The following RIMS1 variants were observed in gnomAD, a reference collection of about 807,000 sequenced individuals.
RIMS1 encodes regulating synaptic membrane exocytosis 1, also known as regulating synaptic membrane exocytosis protein 1.
A neutral mutation model predicts 214.1 loss-of-function variants in RIMS1; 83 were observed. That is an observed-to-expected ratio of 0.39 (90% CI 0.32 to 0.47). The LOEUF is 0.47. RIMS1 is among the 20% of genes least tolerant of loss of function. RIMS1 has a pLI of 0.99. For missense variants in RIMS1, 2,050 were observed against 2,161.8 expected (o/e 0.95, Z 1.03); for synonymous variants, 793 against 786.8 (o/e 1.01, Z -0.13).
At chr6:72,289,193 G>T (rs141083546) in intron 24 of RIMS1, among the ~76,000 whole-genome samples, 1 of 152,284 alleles carries the variant, frequency 6.6e-6, no homozygotes, top group East Asian at 1.9e-4. Context: ...AAATTTCTCA[G>T]TACTAAGGTG....
intron 29 of RIMS1, among the ~76,000 whole-genome samples, chr6:72,343,292 T>C (rs550697324): frequency 2.8e-4 from 43 of 151,852 alleles, no homozygotes; most frequent in Admixed American, 2.4e-3. Flanking sequence ...TGGTTAAGTC[T>C]AGATTCTTAA....
intron 3 of RIMS1, 70 bp from the exon 4 acceptor site, chr6:72,099,905 A>G (rs1013715070): frequency 1.4e-5 from 18 of 1,246,806 alleles, no homozygotes; most frequent in Non-Finnish European, 1.6e-5. Context: ...TTATTAATAC[A>G]TGGCTCAATT....
chr6:71,899,240 T>C (rs1772823464), intron 1 of RIMS1, among the ~76,000 whole-genome samples: 1 of 152,146 alleles, frequency 6.6e-6, no homozygotes, highest in Non-Finnish European at 1.5e-5. Context: ...AATTTAGTTA[T>C]GATTCCAAAT....
chr6:71,964,850 C>G (rs543496516), intron 1 of RIMS1, among the ~76,000 whole-genome samples: 2 of 152,154 alleles, frequency 1.3e-5, no homozygotes, highest in Admixed American at 1.3e-4. Context: ...TGGTTAATGT[C>G]ATGTTGAAGA....
chr6:72,270,407 C>A (rs1032442037), intron 22 of RIMS1, among the ~76,000 whole-genome samples: 1 of 151,978 alleles, frequency 6.6e-6, no homozygotes, highest in East Asian at 1.9e-4. Context: ...GGGATAATAT[C>A]CTATTTCTCT....
chr6:72,384,570 C>G (rs1462715996), intron 29 of RIMS1, among the ~76,000 whole-genome samples: 1 of 152,112 alleles, frequency 6.6e-6, no homozygotes, highest in Non-Finnish European at 1.5e-5. Context: ...CTTAAAAGGT[C>G]CTCCTATTCA....
At chr6:72,291,801 T>C (rs1360200979) in intron 25 of RIMS1, 133 bp from the exon 26 acceptor site, 2 of 708,292 alleles carry the variant, frequency 2.8e-6, no homozygotes, top group Non-Finnish European at 5.2e-6. Flanking sequence ...TCATAAAAAG[T>C]GTTTGATTCT....
intron 11 of RIMS1, among the ~76,000 whole-genome samples, chr6:72,246,799 G>T (rs1282198967): frequency 6.6e-6 from 1 of 152,086 alleles, no homozygotes; most frequent in African/African-American, 2.4e-5. Flanking sequence ...AAAATACACT[G>T]ATTGCCATAA....
At chr6:72,297,659 GACC>G (rs1192867939) in intron 26 of RIMS1, among the ~76,000 whole-genome samples, 1 of 151,890 alleles carries the variant, frequency 6.6e-6, no homozygotes, top group Non-Finnish European at 1.5e-5. Flanking sequence ...TCACAGAATA[GACC>G]ACATTTTTAG....
chr6:72,251,300 T>C lies in RIMS1; in HGVS notation c.2630T>C (p.Leu877Pro). The change falls in exon 15 of 34, where the codon CTG becomes CCG. Residue 877 changes from leucine to proline, a missense_variant. Physicochemically the swap from Leu to Pro is moderately conservative, Grantham distance 98. Around this residue, in one of 6 missense-constraint regions of RIMS1, gnomAD observed 889 missense variants for 885.5 expected, o/e 1.00. Coordinates refer to ENST00000521978, the MANE Select transcript of RIMS1 (RefSeq NM_014989.7). ...ACACATGATGAGTCTTCACTACCTCTGCCTCAGCCATCACCTTTCATGCCA... is the reference window on the plus strand; with the variant it reads ...ACACATGATGAGTCTTCACTACCTCCGCCTCAGCCATCACCTTTCATGCCA... The part of the protein sequence containing the change: ...LQTHDESSLP[L>P]PQPSPFMPRR... 1 of 1,600,508 alleles carries C rather than the reference T, an allele frequency of 6.2e-7. No individual in the cohort carries two copies. Among genetic ancestry groups the C allele is most frequent in the South Asian group, 1.1e-5 (1 of 88,240 alleles).
chr6:72,165,097 A>C (rs895860437), intron 4 of RIMS1, among the ~76,000 whole-genome samples: 4 of 152,146 alleles, frequency 2.6e-5, no homozygotes, highest in African/African-American at 9.7e-5. Context: ...ACATATATTA[A>C]ATATTTTTTT....
At chr6:72,158,832 G>C (rs1224788632) in intron 4 of RIMS1, among the ~76,000 whole-genome samples, 1 of 139,886 alleles carries the variant, frequency 7.1e-6, no homozygotes, top group African/African-American at 2.5e-5. Context: ...ATTGGTTCCA[G>C]GTCTTTGCTA....
chr6:72,073,672 A>G (rs1338781572), intron 2 of RIMS1, among the ~76,000 whole-genome samples: 1 of 152,172 alleles, frequency 6.6e-6, no homozygotes, highest in African/African-American at 2.4e-5. Flanking sequence ...GACTATTCAA[A>G]AGGAGTGGCT....
intron 4 of RIMS1, among the ~76,000 whole-genome samples, chr6:72,117,594 A>T (rs2037342079): frequency 6.6e-6 from 1 of 152,150 alleles, no homozygotes; most frequent in East Asian, 1.9e-4. Flanking sequence ...CCACAGTGGA[A>T]TAAAACTGGA....
intron 1 of RIMS1, among the ~76,000 whole-genome samples, chr6:71,889,180 G>A (rs1277487426): frequency 6.6e-6 from 1 of 152,158 alleles, no homozygotes. Context: ...GGGAAGGCAC[G>A]GTGCAAGTAG....
intron 4 of RIMS1, among the ~76,000 whole-genome samples, chr6:72,151,582 C>T (rs1315546184): frequency 6.6e-6 from 1 of 152,124 alleles, no homozygotes; most frequent in Non-Finnish European, 1.5e-5. Flanking sequence ...TAAGTTCTTC[C>T]TTATATCAGA....
rs202076893 is a variant in RIMS1, at chr6:72,274,380, C to T, written c.3430C>T (p.Arg1144Ter). 3.3e-4 allele frequency: 526 copies of T among 1,612,690 alleles called. No homozygotes were observed. Among genetic ancestry groups the T allele is most frequent in the Non-Finnish European group, 3.9e-4 (461 of 1,179,014 alleles). Reference sequence around the variant, plus strand: ...ATGGTCCCCCTCCCTAGATAGGAGACGACCTCCTAGTCCCAGGATTCAAAT... The same window carrying T: ...ATGGTCCCCCTCCCTAGATAGGAGATGACCTCCTAGTCCCAGGATTCAAAT... ...GRWSPSLDRR[R>*]PPSPRIQIQH... The change falls in exon 23 of 34, where the codon CGA becomes TGA. Residue 1144 changes from arginine (R) to a stop codon, truncating the protein, a stop_gained. Coordinates refer to ENST00000521978, the MANE Select transcript of RIMS1 (RefSeq NM_014989.7). LOFTEE classifies it high-confidence loss of function.
At chr6:71,941,319 T>C (rs1299805615) in intron 1 of RIMS1, among the ~76,000 whole-genome samples, 2 of 152,230 alleles carry the variant, frequency 1.3e-5, no homozygotes, top group African/African-American at 4.8e-5. Flanking sequence ...GTTGGATTTA[T>C]CTATCCCATC....
intron 4 of RIMS1, among the ~76,000 whole-genome samples, chr6:72,110,046 G>C (rs953158338): frequency 6.6e-6 from 1 of 152,082 alleles, no homozygotes; most frequent in Non-Finnish European, 1.5e-5. Context: ...GCTCTGTTCT[G>C]TTCCATTTAT....
Sources: allele counts gnomAD v4.1 joint callset (sites outside exome capture counted in the v4.1 genomes callset), GRCh38; gene constraint gnomAD v4.1.1; regional missense constraint gnomAD v4.1.1; transcripts MANE v1.5; gene names NCBI Gene and HGNC (gene_info 2026-07-23, HGNC 2026-07-21).